The following KLHL38 variants were observed in gnomAD, a reference collection of about 807,000 sequenced individuals.
KLHL38 encodes the protein kelch like family member 38.
Under a neutral mutation model 39.6 loss-of-function variants are expected in KLHL38, and 38 were observed. That is an observed-to-expected ratio of 0.96 (90% CI 0.74 to 1.26). The LOEUF (loss-of-function observed/expected upper bound fraction) is 1.26. Ranked by LOEUF, KLHL38 falls within the 50% of genes most tolerant of loss-of-function variation. The pLI, the probability that KLHL38 is intolerant of heterozygous loss-of-function variation, is 0.00. For synonymous variants in KLHL38, 322 were observed against 302.2 expected (o/e 1.07, Z -0.68); for missense variants, 803 against 748.1 (o/e 1.07, Z -0.86).
At chr8:123,646,089 A>T in intron 3 of KLHL38, 61 bp from the exon 4 acceptor site, 1 of 1,479,952 alleles carries the variant, frequency 6.8e-7, no homozygotes, top group Non-Finnish European at 9.4e-7. Context: ...GGAGGTCAGC[A>T]GTCCTGGGAC....
intron 2 of KLHL38, among the ~76,000 whole-genome samples, chr8:123,650,575 G>A (rs888103953): frequency 6.6e-6 from 1 of 152,034 alleles, no homozygotes; most frequent in Non-Finnish European, 1.5e-5. Context: ...ACATCTCGTG[G>A]ATGCTTCTGA....
intron 2 of KLHL38, among the ~76,000 whole-genome samples, chr8:123,649,130 C>T (rs10094484): frequency 0.91 from 138,793 of 152,240 alleles, 63,328 homozygotes; most frequent in East Asian, 0.95. Flanking sequence ...AGCTTAAACT[C>T]TGAGTTTTAT....
Position 123,652,591 on chromosome 8 carries a change from G to A in KLHL38, c.336C>T (p.Ser112=). The change falls in exon 2 of 4, where the codon TCC becomes TCT. Residue 112 remains serine, a synonymous_variant. Coordinates refer to ENST00000684634, the MANE Select transcript of KLHL38 (RefSeq NM_001081675.3). Reference sequence around the variant, plus strand: ...CAAACAGCTTGGGGAACTGTAGCATGGAGGCGGCCTCCATCACGGGGAGGA... The same window carrying A: ...CAAACAGCTTGGGGAACTGTAGCATAGAGGCGGCCTCCATCACGGGGAGGA... ...DNVLPVMEAA[S]MLQFPKLFEA... is the part of the protein sequence containing the mutation. The A allele has an allele frequency of 6.2e-7, 1 of 1,614,224 alleles. No individual in the cohort carries two copies. Among genetic ancestry groups the A allele is most frequent in the African/African-American group, 1.3e-5 (1 of 75,060 alleles).
intron 2 of KLHL38, among the ~76,000 whole-genome samples, chr8:123,649,688 C>A (rs1337146591): frequency 1.3e-5 from 2 of 152,142 alleles, no homozygotes; most frequent in African/African-American, 2.4e-5. Flanking sequence ...AGATATCCAT[C>A]CCTCAAGAAG....
chr8:123,650,613 A>G (rs146498289), intron 2 of KLHL38, among the ~76,000 whole-genome samples: 1 of 152,204 alleles, frequency 6.6e-6, no homozygotes, highest in East Asian at 1.9e-4. Flanking sequence ...CTCAATATTC[A>G]CGTTCTGCAG....
At chr8:123,647,092 G>A (rs994182698) in intron 2 of KLHL38, 78 bp from the exon 3 acceptor site, 18 of 781,338 alleles carry the variant, frequency 2.3e-5, no homozygotes, top group Non-Finnish European at 3.3e-5. Flanking sequence ...GTAATTACGA[G>A]GGTGAACTAG....
In KLHL38 at chr8:123,652,524, T is replaced by G. The variant is rs200934933; in HGVS notation, c.403A>C (p.Asn135His). The change falls in exon 2 of 4, where the codon AAC becomes CAC. Residue 135 changes from asparagine (N) to histidine (H), a missense_variant. Coordinates refer to ENST00000684634, the MANE Select transcript of KLHL38 (RefSeq NM_001081675.3). ...SYLQSQLAPS[N>H]CLGMIRLSEI... ...GAGAGTCTGATCATACCCAGGCAGT[T>G]GCTGGGGGCCAACTGGCTCTGCAAG... The G allele has an allele frequency of 3.1e-5, 50 of 1,614,058 alleles. No homozygotes were observed. The Admixed American group carries it at 8.2e-4, about 26-fold the overall frequency.
chr8:123,651,779 T>G lies in KLHL38; in HGVS notation c.1148A>C (p.Asn383Thr), dbSNP rs61730395. 162 of 1,614,114 alleles carry G rather than the reference T, an allele frequency of 1.0e-4. No individual in the cohort carries two copies. In the African/African-American group the frequency reaches 2.0e-3, roughly 20 times the overall value. ...AATCCCCCCGATGGAGAAGATGAAG[T>G]TCTTATGGGCAGTGCTTCTGTGGGA... ...RYSHRSTAHKNFIFSIGGIGE... is the reference protein window; with the variant it reads ...RYSHRSTAHKTFIFSIGGIGE... The change falls in exon 2 of 4, where the codon AAC (asparagine) becomes ACC (threonine). Residue 383 changes from asparagine to threonine, a missense_variant. Asn to Thr is a moderately conservative substitution (Grantham distance 65). Coordinates refer to ENST00000684634, the MANE Select transcript of KLHL38 (RefSeq NM_001081675.3).
Position 123,646,932 on chromosome 8 carries a change from C to T in KLHL38, c.1433G>A (p.Gly478Glu). Residue 478 changes from glycine to glutamate, a missense_variant, in exon 3 of 4, where the codon GGG becomes GAG. By Grantham distance (98) the Gly-to-Glu change is moderately conservative (BLOSUM62 -2). Coordinates refer to ENST00000684634, the MANE Select transcript of KLHL38 (RefSeq NM_001081675.3). The stretch of plus-strand genomic sequence containing the variant: ...ACCTCCCACAATGACAATCCGCTCC[C>T]CAAGCACCACTGCAGGGGCACACAC... The part of the protein sequence containing the change: ...KNVCAPAVVL[G>E]ERIVIVGGYT... 3 of 1,613,178 alleles carry T rather than the reference C, an allele frequency of 1.9e-6. No homozygotes were observed. Among genetic ancestry groups the T allele is most frequent in the South Asian group, 1.1e-5 (1 of 90,860 alleles).
At position 123,652,855 on chromosome 8, in the gene KLHL38, G is replaced by A. The variant is rs371052091; in HGVS notation, c.72C>T (p.Leu24=). The change falls in exon 2 of 4, where the codon CTC becomes CTT. Residue 24 remains leucine, a synonymous_variant. Coordinates refer to ENST00000684634, the MANE Select transcript of KLHL38 (RefSeq NM_001081675.3). ...GGATCCTGCTTTGCCTTAAGCTGTT[G>A]AGCTGCCTCAACAAGTCAGAAGAGA... ...HDFSSDLLRQ[L]NSLRQSRILT... 6.2e-7 allele frequency: 1 copy of A among 1,608,362 alleles called. No homozygotes were observed. The highest frequency in any genetic ancestry group is 1.3e-5 in the African/African-American group (1 of 74,920).
rs200081099 is a variant in KLHL38 at position 123,645,957 on chromosome 8, G to A, written c.1528C>T (p.Arg510Trp). ...ACTGTGGCCCCATGGTGCATCCTCC[G>A]GTCTTTCATGTCCGCACATTTGACA... is the stretch of plus-strand genomic sequence containing the variant. ...KFVKCADMKDRRMHHGATVMG... is the reference protein window; with the variant it reads ...KFVKCADMKDWRMHHGATVMG... Residue 510 changes from arginine to tryptophan, a missense_variant, in exon 4 of 4, where the codon CGG becomes TGG. Arg to Trp is a moderately radical substitution (Grantham distance 101, BLOSUM62 -3). Transcript: ENST00000684634. The A allele has an allele frequency of 2.0e-4, 325 of 1,614,114 alleles. 3 individuals carry two copies. The highest frequency in any genetic ancestry group is 1.2e-3 in the African/African-American group (92 of 75,032).
At chr8:123,648,561 C>T (rs1818699191) in intron 2 of KLHL38, among the ~76,000 whole-genome samples, 1 of 152,218 alleles carries the variant, frequency 6.6e-6, no homozygotes, top group Non-Finnish European at 1.5e-5. Context: ...TGAATAATTG[C>T]CTCCTGGCCT....
rs779890463 is a variant in KLHL38 at position 123,645,787 on chromosome 8, A to G, written c.1698T>C (p.His566=). The G allele has an allele frequency of 6.2e-6, 10 of 1,613,158 alleles. No homozygotes were observed. The highest frequency in any genetic ancestry group is 2.7e-5 in the African/African-American group (2 of 74,570). ...QGQLPHKLFD[H]ACLTLQCIPR... is the part of the protein sequence containing the mutation. The stretch of plus-strand genomic sequence containing the variant: ...GTATGCACTGGAGAGTGAGGCAGGC[A>G]TGGTCAAAGAGCTTGTGCGGCAGCT... Residue 566 remains histidine (H), a synonymous_variant, in exon 4 of 4, where the codon CAT becomes CAC. Transcript: ENST00000684634.
intron 2 of KLHL38, among the ~76,000 whole-genome samples, chr8:123,651,165 A>C (rs771599404): frequency 1.3e-5 from 2 of 152,178 alleles, no homozygotes; most frequent in African/African-American, 2.4e-5. Flanking sequence ...CTTGCAAATA[A>C]CAAGTGTTGG....
intron 2 of KLHL38, 90 bp downstream of exon 2, chr8:123,651,487 T>C (rs764478373): frequency 1.5e-6 from 2 of 1,368,908 alleles, no homozygotes; most frequent in Non-Finnish European, 2.0e-6. Context: ...GGTGTGTATG[T>C]ATACATGTGC....
At chr8:123,646,878 T>G in intron 3 of KLHL38, 31 bp downstream of exon 3, 1 of 1,482,226 alleles carries the variant, frequency 6.7e-7, no homozygotes, top group South Asian at 1.2e-5. Flanking sequence ...CAAGTTTGTG[T>G]CACGCCCAGT....
At chr8:123,653,006 T>G (rs1361240456) in intron 1 of KLHL38, 79 bp from the exon 2 acceptor site, 2 of 1,411,540 alleles carry the variant, frequency 1.4e-6, no homozygotes, top group Non-Finnish European at 1.9e-6. Context: ...GGTTCAGCTG[T>G]GGGGACTCCA....
rs1157842113 is a variant in KLHL38, at chr8:123,651,794, C to T, written c.1133G>A (p.Ser378Asn). ...PMLVARYSHR[S>N]TAHKNFIFSI... ...GAAGATGAAGTTCTTATGGGCAGTG[C>T]TTCTGTGGGAGTAGCGGGCCACCAG... The change falls in exon 2 of 4, where the codon AGC becomes AAC. Residue 378 changes from serine to asparagine, a missense_variant. Coordinates refer to ENST00000684634, the MANE Select transcript of KLHL38 (RefSeq NM_001081675.3). 9 of 1,614,176 alleles carry T rather than the reference C, an allele frequency of 5.6e-6. No homozygotes were observed. The highest frequency in any genetic ancestry group is 6.8e-6 in the Non-Finnish European group (8 of 1,180,024).
intron 2 of KLHL38, among the ~76,000 whole-genome samples, chr8:123,648,784 C>T (rs1483752769): frequency 1.3e-5 from 2 of 152,110 alleles, no homozygotes; most frequent in African/African-American, 4.8e-5. Flanking sequence ...AGGTACAGTG[C>T]GATTTGCATC....
Sources: allele counts gnomAD v4.1 joint callset (sites outside exome capture counted in the v4.1 genomes callset), GRCh38; gene constraint gnomAD v4.1.1; transcripts MANE v1.5; gene names NCBI Gene and HGNC (gene_info 2026-07-23, HGNC 2026-07-21).